Variants in CRADD observed in about 807,000 individuals in gnomAD.
CRADD encodes the protein death domain-containing protein CRADD.
A neutral mutation model predicts 15.5 loss-of-function variants in CRADD; 9 were observed. The ratio of observed to expected loss-of-function variants is 0.58; its 90% CI spans 0.35 to 1.01. The LOEUF is 1.01. Among genes scored for constraint, CRADD ranks in the 50% least tolerant of loss-of-function variants. The pLI, the probability that CRADD is intolerant of heterozygous loss-of-function variation, is 0.02. For synonymous variants in CRADD, 118 were observed against 107.6 expected, an observed-to-expected ratio of 1.10 and a Z score of -0.60; for missense variants, 227 against 250.3, an observed-to-expected ratio of 0.91 and a Z score of 0.63.
intron 2 of CRADD, among the ~76,000 whole-genome samples, chr12:93,710,570 C>G (rs1956047197): frequency 6.6e-6 from 1 of 152,084 alleles, no homozygotes; most frequent in Non-Finnish European, 1.5e-5. Context: ...GTCTCGAACT[C>G]TTGACCTCAG....
At chr12:93,734,428 A>T (rs1313046380) in intron 2 of CRADD, among the ~76,000 whole-genome samples, 1 of 152,192 alleles carries the variant, frequency 6.6e-6, no homozygotes, top group South Asian at 2.1e-4. Context: ...AAAACCCATT[A>T]TTTTTTATTT....
chr12:93,853,272 CTAAAT>C (rs1958243669), downstream of CRADD, among the ~76,000 whole-genome samples: 1 of 152,076 alleles, frequency 6.6e-6, no homozygotes, highest in South Asian at 2.1e-4. Flanking sequence ...TTAAAATTAA[CTAAAT>C]TAAGTTTTCA....
intron 2 of CRADD, among the ~76,000 whole-genome samples, chr12:93,794,297 T>C (rs1957387419): frequency 6.6e-6 from 1 of 152,186 alleles, no homozygotes; most frequent in Non-Finnish European, 1.5e-5. Context: ...TTAACATCTG[T>C]AGCCCTGACT....
intron 2 of CRADD, among the ~76,000 whole-genome samples, chr12:93,892,159 T>A (rs1958580498): frequency 6.6e-6 from 1 of 152,162 alleles, no homozygotes; most frequent in African/African-American, 2.4e-5. Context: ...CTCACGCTGC[T>A]TTACCGAGCT....
chr12:93,816,513 C>T (rs897479114), intron 2 of CRADD, among the ~76,000 whole-genome samples: 2 of 151,998 alleles, frequency 1.3e-5, no homozygotes, highest in Admixed American at 6.6e-5. Flanking sequence ...AGGCGTGAGC[C>T]ACCATACCCT....
At chr12:93,687,784 T>C (rs535566049) in intron 2 of CRADD, among the ~76,000 whole-genome samples, 2 of 152,316 alleles carry the variant, frequency 1.3e-5, no homozygotes, top group South Asian at 4.1e-4. Context: ...TTCCTGAGCA[T>C]TGTTGCTCAA....
At chr12:93,873,474 C>T (rs145300283) in intron 2 of CRADD, among the ~76,000 whole-genome samples, 19 of 152,180 alleles carry the variant, frequency 1.2e-4, no homozygotes, top group Admixed American at 1.2e-3. Flanking sequence ...GTGGGCACAT[C>T]CTTGTCCTGT....
intron 2 of CRADD, among the ~76,000 whole-genome samples, chr12:93,729,859 C>T (rs1956434080): frequency 6.6e-6 from 1 of 151,574 alleles, no homozygotes; most frequent in African/African-American, 2.4e-5. Flanking sequence ...AAACTAATGT[C>T]AATGTGGAGA....
intron 2 of CRADD, among the ~76,000 whole-genome samples, chr12:93,681,145 A>G (rs757125537): frequency 2.6e-5 from 4 of 152,148 alleles, no homozygotes; most frequent in Non-Finnish European, 5.9e-5. Flanking sequence ...CGGCCTCCCA[A>G]AGTGCTGGGA....
chr12:93,736,502 C>T (rs1956572512), intron 2 of CRADD, among the ~76,000 whole-genome samples: 1 of 152,158 alleles, frequency 6.6e-6, no homozygotes. Flanking sequence ...ATTCTGTTCT[C>T]CACAATAAAA....
chr12:93,701,048 G>GT (rs1955834192), intron 2 of CRADD, among the ~76,000 whole-genome samples: 1 of 150,368 alleles, frequency 6.7e-6, no homozygotes, highest in African/African-American at 2.5e-5. Context: ...AAAAGATGTT[G>GT]TTTTTTTCTT....
chr12:93,685,629 G>A (rs1408276425), intron 2 of CRADD, among the ~76,000 whole-genome samples: 1 of 152,144 alleles, frequency 6.6e-6, no homozygotes, highest in East Asian at 1.9e-4. Context: ...AAGATTGAAA[G>A]TATACCAAAT....
intron 2 of CRADD, among the ~76,000 whole-genome samples, chr12:93,767,108 A>G (rs773773108): frequency 2.2e-4 from 34 of 152,218 alleles, no homozygotes; most frequent in Non-Finnish European, 3.8e-4. Flanking sequence ...TGTGCTTTCT[A>G]AAATAATAAA....
chr12:93,703,099 T>C (rs1955871320), intron 2 of CRADD, among the ~76,000 whole-genome samples: 1 of 152,190 alleles, frequency 6.6e-6, no homozygotes, highest in African/African-American at 2.4e-5. Context: ...GCATGCTGAC[T>C]GTGTTCTTGA....
intron 2 of CRADD, chr12:93,848,786 G>C (rs1958169392): frequency 6.6e-6 from 1 of 152,190 alleles, no homozygotes; most frequent in Non-Finnish European, 1.5e-5. Context: ...ATAACCAAAG[G>C]CACTGCTCAC....
chr12:93,807,122 A>C (rs1390750901), intron 2 of CRADD, among the ~76,000 whole-genome samples: 1 of 152,150 alleles, frequency 6.6e-6, no homozygotes, highest in African/African-American at 2.4e-5. Flanking sequence ...GAGTGGGTGA[A>C]AGAATATTGT....
intron 2 of CRADD, among the ~76,000 whole-genome samples, chr12:93,763,129 C>T (rs1187719907): frequency 6.6e-6 from 1 of 152,222 alleles, no homozygotes; most frequent in Non-Finnish European, 1.5e-5. Flanking sequence ...TGACAGATGA[C>T]GAGGCTGGAA....
chr12:93,739,111 C>T (rs576339055), intron 2 of CRADD, among the ~76,000 whole-genome samples: 75 of 152,192 alleles, frequency 4.9e-4, no homozygotes, highest in African/African-American at 1.7e-3. Flanking sequence ...GACACGAAGC[C>T]ACCTATCCTG....
At chr12:93,717,152 T>C (rs1192009062) in intron 2 of CRADD, among the ~76,000 whole-genome samples, 1 of 152,236 alleles carries the variant, frequency 6.6e-6, no homozygotes, top group Non-Finnish European at 1.5e-5. Context: ...TTTCACATAC[T>C]TACTTGCCAT....
Sources: allele counts gnomAD v4.1 joint callset (sites outside exome capture counted in the v4.1 genomes callset), GRCh38; gene constraint gnomAD v4.1.1; transcripts MANE v1.5; gene names NCBI Gene and HGNC (gene_info 2026-07-23, HGNC 2026-07-21).